The following NLGN2 variants were observed in gnomAD, a reference collection of about 807,000 sequenced individuals.
NLGN2 encodes the protein neuroligin 2, also known as neuroligin-2.
Under a neutral mutation model 48.6 loss-of-function variants are expected in NLGN2, and 11 were observed. The observed-to-expected ratio is 0.23, with a 90% CI of 0.14 to 0.37. The LOEUF (loss-of-function observed/expected upper bound fraction) is 0.37. NLGN2 is among the 10% of genes least tolerant of loss of function. The probability of loss-of-function intolerance (pLI) is 1.00; values close to 1 mark genes in which losing one functional copy is unlikely to be tolerated. For synonymous variants in NLGN2, 548 were observed against 550.0 expected (o/e 1.00, Z 0.05); for missense variants, 801 against 1,225.2 (o/e 0.65, Z 5.17).
chr17:7,405,564 C>G (rs184059037), upstream of NLGN2: 22 of 152,324 alleles, frequency 1.4e-4, no homozygotes, highest in African/African-American at 5.1e-4. This position sits in a 1 kb window ranked among gnomAD's most constrained non-coding sequence, Gnocchi z 6.8. Context: ...TTTCGCCCCC[C>G]ACTCGGAGCC....
At position 7,419,275 on chromosome 17, in the gene NLGN2, A is replaced by C. The variant is rs1907289835; in HGVS notation, c.*1476A>C. On this transcript the variant is annotated 3_prime_UTR_variant, in exon 7 of 7. Coordinates refer to ENST00000302926, the MANE Select transcript of NLGN2 (RefSeq NM_020795.4). Reference sequence around the variant, plus strand: ...AACAGATGGAGGGGGCAGTGGGGACAGGGCTTGGGCAGACACCAGCAGGAA... The same window carrying C: ...AACAGATGGAGGGGGCAGTGGGGACCGGGCTTGGGCAGACACCAGCAGGAA... 6.5e-6 allele frequency: 1 copy of C among 153,082 alleles called. No individual in the cohort carries two copies. The highest frequency in any genetic ancestry group is 2.4e-5 in the African/African-American group (1 of 41,460). 9.5% of individuals were successfully genotyped at this position (153,082 alleles called of 1,614,324 possible).
At position 7,417,826 on chromosome 17, in the gene NLGN2, C is replaced by G. The variant is rs563363376; in HGVS notation, c.*27C>G. On this transcript the variant is annotated 3_prime_UTR_variant, in exon 7 of 7. Transcript: ENST00000302926. ...GGGTGGGTGGGGAGGCCCTCCTCCC[C>G]GGCCCTCCCTGGCCCGGCCACTCCG... The G allele has an allele frequency of 1.0e-5, 14 of 1,350,030 alleles. No homozygotes were observed. The allele number at this position is 1,350,030 out of a possible 1,614,324, so 83.6% of individuals were successfully genotyped here. A position where few individuals can be genotyped will look rare whatever the true frequency, so the allele number is the denominator to read the frequency against.
chr17:7,416,598 G>A (rs1009329200), intron 6 of NLGN2, among the ~76,000 whole-genome samples: 2 of 151,966 alleles, frequency 1.3e-5, no homozygotes, highest in Admixed American at 6.6e-5. Flanking sequence ...TGTCCCTCCC[G>A]TGTCTTTGAC....
Position 7,417,654 on chromosome 17 carries a change from T to A in NLGN2, c.2363T>A (p.Leu788Gln). 7.2e-7 allele frequency: 1 copy of A among 1,390,876 alleles called. No individual in the cohort carries two copies. Among genetic ancestry groups the A allele is most frequent in the Non-Finnish European group, 9.2e-7 (1 of 1,081,986 alleles). 86.2% of individuals were successfully genotyped at this position (1,390,876 alleles called of 1,614,324 possible). A position where few individuals can be genotyped will look rare whatever the true frequency, so the allele number is the denominator to read the frequency against. Residue 788 changes from leucine (L) to glutamine (Q), a missense_variant, in exon 7 of 7, where the codon CTG becomes CAG. Leu to Gln is a moderately radical substitution (Grantham distance 113). Around this residue, in one of 5 missense-constraint regions of NLGN2, gnomAD observed 276 missense variants for 313.9 expected, o/e 0.88. Coordinates refer to ENST00000302926, the MANE Select transcript of NLGN2 (RefSeq NM_020795.4). ...DDVPLLAPGALTLLPSGLGPP... is the reference protein window; with the variant it reads ...DDVPLLAPGAQTLLPSGLGPP... ...GTGCCTCTCTTGGCCCCCGGGGCCC[T>A]GACCCTGCTGCCCAGTGGCCTGGGG...
rs960417253 is a variant in NLGN2, at chr17:7,408,832, G to A, written c.457+120G>A. The A allele has an allele frequency of 6.4e-7, 1 of 1,558,710 alleles. No individual in the cohort carries two copies. Among genetic ancestry groups the A allele is most frequent in the African/African-American group, 1.4e-5 (1 of 73,746 alleles). On this transcript the variant is annotated intron_variant, in intron 1 of 6. Coordinates refer to ENST00000302926, the MANE Select transcript of NLGN2 (RefSeq NM_020795.4). The surrounding 1 kb of genome is among the most constrained non-coding windows in gnomAD (Gnocchi z 7.5). ...GCTGGGCCTTTGTGGGGGCAGTGAG[G>A]GACGGAGTGTCCCTGCAACCTCTAC...
chr17:7,408,774 C>G lies in NLGN2; in HGVS notation c.457+62C>G, dbSNP rs1010761921. ...CACAGCCCACAAACGCACATGCAGA[C>G]CCTCAGGCACTGGCACCGCTCTAGG... On this transcript the variant is annotated intron_variant, in intron 1 of 6. Coordinates refer to ENST00000302926, the MANE Select transcript of NLGN2 (RefSeq NM_020795.4). The surrounding 1 kb of genome is among the most constrained non-coding windows in gnomAD (Gnocchi z 7.5). The G allele has an allele frequency of 6.2e-7, 1 of 1,609,334 alleles. No individual in the cohort carries two copies. The highest frequency in any genetic ancestry group is 8.5e-7 in the Non-Finnish European group (1 of 1,178,624).
At chr17:7,405,831 C>T (rs1290118846), upstream of NLGN2, among the ~76,000 whole-genome samples, 1 of 152,008 alleles carries the variant, frequency 6.6e-6, no homozygotes, top group Non-Finnish European at 1.5e-5. The surrounding 1 kb of genome is among the most constrained non-coding windows in gnomAD (Gnocchi z 6.8). Flanking sequence ...CCCGTGTGTT[C>T]CCATCTCCCC....
intron 1 of NLGN2, among the ~76,000 whole-genome samples, chr17:7,410,861 G>A (rs1020343149): frequency 1.3e-5 from 2 of 152,216 alleles, no homozygotes; most frequent in Non-Finnish European, 2.9e-5. Flanking sequence ...ACGTGCACAC[G>A]TGCCTTGCTC....
In NLGN2 at chr17:7,407,952, TTC is replaced by T. The variant is rs1906709969; in HGVS notation, c.-302_-301del. 2 of 246,732 alleles carry T rather than the reference TTC, an allele frequency of 8.1e-6. No homozygotes were observed. Among genetic ancestry groups the T allele is most frequent in the African/African-American group, 4.5e-5 (2 of 44,178 alleles). 15.3% of individuals were successfully genotyped at this position (246,732 alleles called of 1,614,324 possible). On this transcript the variant is annotated 5_prime_UTR_variant, in exon 1 of 7. Coordinates refer to ENST00000302926, the MANE Select transcript of NLGN2 (RefSeq NM_020795.4). ...CTTGCCCTCTTCCACCTCTGTATTT[TTC>T]TGTCTGTCCGTCTGTCTGTATCCTG...
rs984675272 is a variant in NLGN2 at position 7,413,157 on chromosome 17, G to C, written c.508+950G>C. On this transcript the variant is annotated intron_variant, in intron 2 of 6. Coordinates refer to ENST00000302926, the MANE Select transcript of NLGN2 (RefSeq NM_020795.4). This position sits in a 1 kb window ranked among gnomAD's most constrained non-coding sequence, Gnocchi z 4.9. ...ACAGGATTTGAGGAGAACCCAGCGA[G>C]GGTGCTGCCCACATAGAAGCTCTGG... Among the ~76,000 whole-genome samples, 1 of 152,238 alleles carries C rather than the reference G, an allele frequency of 6.6e-6. No individual in the cohort carries two copies. Among genetic ancestry groups the C allele is most frequent in the Non-Finnish European group, 1.5e-5 (1 of 68,044 alleles).
At chr17:7,410,390 G>A (rs1306827374) in intron 1 of NLGN2, among the ~76,000 whole-genome samples, 1 of 151,706 alleles carries the variant, frequency 6.6e-6, no homozygotes, top group Non-Finnish European at 1.5e-5. Flanking sequence ...TTCCCCATAA[G>A]CCATTTATCC....
chr17:7,416,312 G>T (rs1907099182), intron 6 of NLGN2, among the ~76,000 whole-genome samples: 1 of 152,172 alleles, frequency 6.6e-6, no homozygotes, highest in African/African-American at 2.4e-5. Context: ...GGGAGTTGGG[G>T]GCCCACTCAG....
intron 6 of NLGN2, 111 bp downstream of exon 6, chr17:7,416,218 C>T (rs1057360390): frequency 2.4e-5 from 20 of 823,686 alleles, no homozygotes; most frequent in African/African-American, 2.0e-4. Context: ...TCGAGTGAAA[C>T]CAACCCAGAC....
upstream of NLGN2, among the ~76,000 whole-genome samples, chr17:7,407,692 T>C (rs897140598): frequency 6.6e-6 from 1 of 152,050 alleles, no homozygotes; most frequent in African/African-American, 2.4e-5. Flanking sequence ...GGGAGCATGC[T>C]GGGTCTGGAG....
chr17:7,412,006 ATT>A (rs1007796731), intron 1 of NLGN2, 149 bp from the exon 2 acceptor site: 12 of 627,454 alleles, frequency 1.9e-5, no homozygotes, highest in Middle Eastern at 4.2e-4. Flanking sequence ...TTGCAAACAA[ATT>A]TTGCTTTTTT....
At position 7,409,418 on chromosome 17, in the gene NLGN2, C is replaced by T. The variant is rs76054260; in HGVS notation, c.457+706C>T. Among the ~76,000 whole-genome samples, 230 of 152,182 alleles carry T rather than the reference C, an allele frequency of 1.5e-3. 5 individuals carry two copies. In the East Asian group the frequency reaches 0.038, roughly 25 times the overall value. ...TTGTTCACTACAGGACTGCTCATAG[C>T]CCCTGGCACATTCCTTCTGGACAGT... On this transcript the variant is annotated intron_variant, in intron 1 of 6. Transcript: ENST00000302926.
rs756111300 is a variant in NLGN2, at chr17:7,414,821, C to T, written c.817C>T (p.Leu273Phe). 6.2e-7 allele frequency: 1 copy of T among 1,614,232 alleles called. No homozygotes were observed. The highest frequency in any genetic ancestry group is 1.7e-5 in the Admixed American group (1 of 60,036). Residue 273 changes from leucine to phenylalanine, a missense_variant, in exon 4 of 7, where the codon CTT (leucine) becomes TTT (phenylalanine). Leu to Phe is a conservative substitution (Grantham distance 22). Coordinates refer to ENST00000302926, the MANE Select transcript of NLGN2 (RefSeq NM_020795.4). ...CGGGGCAGGGGCCTCCTGCGTCAAC[C>T]TTCTGATCCTCTCCCACCATTCAGA... ...GSGAGASCVN[L>F]LILSHHSEGL...
Position 7,413,083 on chromosome 17 carries a change from G to A in NLGN2, c.508+876G>A, listed in dbSNP as rs568807912. ...AGGACCTTGGAGGGAAGGAGATTCC[G>A]GCCTGAAAGTGCTGGGAGGTCACTT... On this transcript the variant is annotated intron_variant, in intron 2 of 6. Coordinates refer to ENST00000302926, the MANE Select transcript of NLGN2 (RefSeq NM_020795.4). This position sits in a 1 kb window ranked among gnomAD's most constrained non-coding sequence, Gnocchi z 4.9. Among the ~76,000 whole-genome samples the A allele has an allele frequency of 3.3e-5, 5 of 152,296 alleles. No individual in the cohort carries two copies. Among genetic ancestry groups the A allele is most frequent in the South Asian group, 2.1e-4 (1 of 4,824 alleles).
chr17:7,416,814 T>C (rs1907118093), intron 6 of NLGN2, 112 bp from the exon 7 acceptor site: 2 of 1,326,996 alleles, frequency 1.5e-6, no homozygotes, highest in African/African-American at 2.9e-5. Context: ...TCTGGCTTTC[T>C]TGCTGTCCCC....
Sources: gnomAD v4.1 joint callset for allele counts (sites outside exome capture counted in the v4.1 genomes callset) on GRCh38, gnomAD v4.1.1 for gene constraint, gnomAD v4.1.1 regional missense constraint, Gnocchi (gnomAD v3.1) non-coding constraint, MANE v1.5 for transcripts, NCBI Gene and HGNC (gene_info 2026-07-23, HGNC 2026-07-21) for gene names.